The following COL24A1 variants were observed in gnomAD, a reference collection of about 807,000 sequenced individuals.
COL24A1 encodes collagen alpha-1(XXIV) chain.
COL24A1 carries 224 observed loss-of-function variants against 253.9 expected under a neutral mutation model. That is an observed-to-expected ratio of 0.88 (90% CI 0.79 to 0.99). COL24A1 has a LOEUF of 0.99. COL24A1 is among the 50% of genes least tolerant of loss of function. The pLI is 0.00. For synonymous variants in COL24A1, 685 were observed against 673.7 expected (o/e 1.02, Z -0.26); for missense variants, 2,131 against 2,068.5 (o/e 1.03, Z -0.59).
At chr1:85,780,533 A>G (rs1419255387) in intron 52 of COL24A1, among the ~76,000 whole-genome samples, 1 of 152,132 alleles carries the variant, frequency 6.6e-6, no homozygotes, top group African/African-American at 2.4e-5. Flanking sequence ...CTCCAGACAC[A>G]GCTTGAATGG....
chr1:85,925,735 A>G (rs1289375360), intron 24 of COL24A1, among the ~76,000 whole-genome samples: 2 of 152,160 alleles, frequency 1.3e-5, no homozygotes, highest in African/African-American at 4.8e-5. Flanking sequence ...AGAAAACCTA[A>G]GCATTACCAT....
chr1:85,901,223 T>G (rs934133577), intron 28 of COL24A1, among the ~76,000 whole-genome samples: 1 of 152,060 alleles, frequency 6.6e-6, no homozygotes, highest in African/African-American at 2.4e-5. Context: ...AAAAAATAAT[T>G]CTATTAAAAA....
chr1:86,036,097 C>T (rs142712613), intron 12 of COL24A1, among the ~76,000 whole-genome samples: 51 of 151,996 alleles, frequency 3.4e-4, no homozygotes, highest in Admixed American at 1.2e-3. Flanking sequence ...TGACTTTGCC[C>T]CTGAAATAAT....
chr1:86,024,973 CT>C (rs1697885525), intron 14 of COL24A1, among the ~76,000 whole-genome samples: 1 of 149,926 alleles, frequency 6.7e-6, no homozygotes, highest in Non-Finnish European at 1.5e-5. Flanking sequence ...TTTTCAGTGA[CT>C]CTACATGAAA....
intron 19 of COL24A1, 148 bp downstream of exon 19, chr1:86,017,003 C>A (rs1697053430): frequency 2.7e-6 from 2 of 728,038 alleles, no homozygotes; most frequent in South Asian, 1.9e-5. Flanking sequence ...CGTGACATAA[C>A]AGAAAAAATG....
At chr1:85,945,014 T>TTTTG (rs1689156508) in intron 24 of COL24A1, among the ~76,000 whole-genome samples, 1 of 84,122 alleles carries the variant, frequency 1.2e-5, no homozygotes, top group African/African-American at 4.5e-5. Flanking sequence ...TTTTTTTTTT[T>TTTTG]TTTTTTTTTT....
intron 32 of COL24A1, among the ~76,000 whole-genome samples, chr1:85,887,262 C>T (rs554465420): frequency 1.3e-4 from 19 of 151,830 alleles, no homozygotes; most frequent in Non-Finnish European, 2.8e-4. Flanking sequence ...TTTTTTTCAA[C>T]TTGTCTTCTG....
At chr1:86,121,700 C>T (rs2390012) in intron 3 of COL24A1, among the ~76,000 whole-genome samples, 110,355 of 151,980 alleles carry the variant, frequency 0.73, 40,030 homozygotes, top group Middle Eastern at 0.77. Context: ...CATGATGACA[C>T]GGTTGTAGAA....
At chr1:85,733,573 T>C (rs1424596251) in intron 59 of COL24A1, among the ~76,000 whole-genome samples, 1 of 151,568 alleles carries the variant, frequency 6.6e-6, no homozygotes, top group Non-Finnish European at 1.5e-5. Flanking sequence ...TCATAGTAAC[T>C]GTCATTTAAT....
intron 51 of COL24A1, 85 bp from the exon 52 acceptor site, chr1:85,781,358 A>G: frequency 1.1e-6 from 1 of 887,710 alleles, no homozygotes; most frequent in South Asian, 1.7e-5. Flanking sequence ...CAATGGTAAA[A>G]GAGCCATGTC....
intron 1 of COL24A1, among the ~76,000 whole-genome samples, chr1:86,153,345 C>A (rs1013033547): frequency 2.0e-5 from 3 of 152,044 alleles, no homozygotes; most frequent in Non-Finnish European, 2.9e-5. Flanking sequence ...CATACTCAAT[C>A]ATTGTATCTC....
intron 12 of COL24A1, among the ~76,000 whole-genome samples, chr1:86,046,109 T>A (rs1376051073): frequency 6.6e-6 from 1 of 152,216 alleles, no homozygotes; most frequent in Non-Finnish European, 1.5e-5. Context: ...AGGATAAATG[T>A]TACAAAATGA....
rs779553889 is a variant in COL24A1, at chr1:86,022,584, T to C, written c.2156A>G (p.Gln719Arg). Reference protein sequence around the residue: ...LPGIKGDKGEQGTAGELGEPG... With the variant: ...LPGIKGDKGERGTAGELGEPG... ...TTCTCCTAGCTCTCCTGCTGTGCCT[T>C]GTTCACCCTGGAAAGCACAATTTCA... The change falls in exon 17 of 60, where the codon CAA becomes CGA. Residue 719 changes from glutamine (Q) to arginine (R), a missense_variant. Coordinates refer to ENST00000370571, the MANE Select transcript of COL24A1 (RefSeq NM_152890.7). 1.9e-6 allele frequency: 3 copies of C among 1,612,802 alleles called. No homozygotes were observed. In the African/African-American group the frequency reaches 4.0e-5, roughly 22 times the overall value.
chr1:85,871,335 A>C (rs1031010440), intron 35 of COL24A1, among the ~76,000 whole-genome samples: 3 of 152,194 alleles, frequency 2.0e-5, no homozygotes, highest in African/African-American at 7.2e-5. Context: ...AATCCTCCCT[A>C]ACTCTTTTTA....
intron 5 of COL24A1, among the ~76,000 whole-genome samples, chr1:86,098,299 G>C (rs1310896944): frequency 6.6e-6 from 1 of 151,926 alleles, no homozygotes; most frequent in Non-Finnish European, 1.5e-5. Flanking sequence ...AGAAAGGAAG[G>C]AAAGACAGAG....
intron 2 of COL24A1, among the ~76,000 whole-genome samples, chr1:86,144,069 C>A (rs1480091461): frequency 6.6e-6 from 1 of 151,944 alleles, no homozygotes; most frequent in Non-Finnish European, 1.5e-5. Context: ...ATTTCCATTT[C>A]TTTTTTTGTG....
intron 47 of COL24A1, among the ~76,000 whole-genome samples, chr1:85,796,479 C>A (rs1448636582): frequency 6.6e-6 from 1 of 152,106 alleles, no homozygotes; most frequent in Admixed American, 6.5e-5. Context: ...GGGTTCACAT[C>A]ATTATAGAGA....
chr1:85,911,915 T>C (rs61785115), intron 24 of COL24A1, among the ~76,000 whole-genome samples: 38,959 of 152,006 alleles, frequency 0.26, 5,943 homozygotes, highest in East Asian at 0.34. Context: ...GTTGCTAAGA[T>C]TTCATTACTG....
intron 5 of COL24A1, among the ~76,000 whole-genome samples, chr1:86,095,390 TG>T: frequency 6.6e-6 from 1 of 152,216 alleles, no homozygotes; most frequent in Middle Eastern, 3.4e-3. Flanking sequence ...TTGAGTTAAT[TG>T]ATCAACTCAT....
Sources: allele counts gnomAD v4.1 joint callset (sites outside exome capture counted in the v4.1 genomes callset), GRCh38; gene constraint gnomAD v4.1.1; transcripts MANE v1.5; gene names NCBI Gene and HGNC (gene_info 2026-07-23, HGNC 2026-07-21).